Variants in TBC1D8 observed in about 807,000 individuals in gnomAD.
TBC1D8 encodes BUB2-like protein 1.
In TBC1D8, 65 loss-of-function variants were observed where a neutral mutation model predicts 118.8. That is an observed-to-expected ratio of 0.55 (90% CI 0.45 to 0.67). TBC1D8 has a LOEUF of 0.67. TBC1D8 is among the 30% of genes least tolerant of loss of function. The pLI is 0.00. For missense variants in TBC1D8, 1,376 were observed against 1,471.2 expected, an observed-to-expected ratio of 0.94 and a Z score of 1.06; for synonymous variants, 566 against 595.8, an observed-to-expected ratio of 0.95 and a Z score of 0.73.
At chr2:101,102,959 A>C (rs1676953768) in intron 1 of TBC1D8, among the ~76,000 whole-genome samples, 1 of 152,210 alleles carries the variant, frequency 6.6e-6, no homozygotes, top group African/African-American at 2.4e-5. Flanking sequence ...AAGTTTCCAC[A>C]ATCTATTCCA....
At chr2:101,021,948 G>A (rs1205009417) in intron 16 of TBC1D8, among the ~76,000 whole-genome samples, 1 of 152,166 alleles carries the variant, frequency 6.6e-6, no homozygotes, top group Non-Finnish European at 1.5e-5. Flanking sequence ...CTTTGTGAAT[G>A]TTGTCTGGCC....
At position 101,033,706 on chromosome 2, in the gene TBC1D8, C is replaced by T. The variant is rs1384955750; in HGVS notation, c.1656G>A (p.Glu552=). Reference sequence around the variant, plus strand: ...CCAGGCAGCATTTCCCCAGGGACTCCTCCACCAGATTCCCGTAGTAACCAG... The same window carrying T: ...CCAGGCAGCATTTCCCCAGGGACTCTTCCACCAGATTCCCGTAGTAACCAG... ...SHPGYYGNLV[E]ESLGKCCLVT... The change falls in exon 10 of 20, where the codon GAG becomes GAA. Residue 552 remains glutamate, a synonymous_variant. Coordinates refer to ENST00000409318, the MANE Select transcript of TBC1D8 (RefSeq NM_001330348.2). 1 of 1,613,940 alleles carries T rather than the reference C, an allele frequency of 6.2e-7. No homozygotes were observed. The highest frequency in any genetic ancestry group is 8.5e-7 in the Non-Finnish European group (1 of 1,179,880).
intron 2 of TBC1D8, among the ~76,000 whole-genome samples, chr2:101,071,293 C>T (rs1292979021): frequency 2.0e-5 from 3 of 151,976 alleles, no homozygotes; most frequent in African/African-American, 4.8e-5. Context: ...TGCAGTGAGC[C>T]GAGATCGCAC....
intron 1 of TBC1D8, among the ~76,000 whole-genome samples, chr2:101,103,117 A>G (rs954500476): frequency 6.6e-6 from 1 of 152,090 alleles, no homozygotes; most frequent in Non-Finnish European, 1.5e-5. Context: ...ACAAAATATG[A>G]GCAAATAGAA....
chr2:101,144,675 G>C (rs555482125), intron 1 of TBC1D8, among the ~76,000 whole-genome samples: 2 of 152,156 alleles, frequency 1.3e-5, no homozygotes, highest in Non-Finnish European at 2.9e-5. Context: ...GGTGGCTCAC[G>C]CCTGTAATCC....
rs558251882 is a variant in TBC1D8, at chr2:101,143,291, G to A, written c.127+7836C>T. 2.0e-4 allele frequency among the ~76,000 whole-genome samples: 31 copies of A among 152,130 alleles called. 1 individual carries two copies. Among genetic ancestry groups the A allele is most frequent in the Middle Eastern group, 3.4e-3 (1 of 294 alleles). The stretch of plus-strand genomic sequence containing the variant: ...ATGGCCAGGCTGGTCTCGAACTGCT[G>A]ACCTCGTGATCTGCCCACCTCGGCC... On this transcript the variant is annotated intron_variant, in intron 1 of 19. Transcript: ENST00000409318.
intron 1 of TBC1D8, among the ~76,000 whole-genome samples, chr2:101,138,324 C>T (rs981343879): frequency 4.6e-5 from 7 of 152,176 alleles, no homozygotes; most frequent in Admixed American, 1.3e-4. Flanking sequence ...TTATCCTTTA[C>T]TATTCACATT....
chr2:101,110,107 G>A, intron 1 of TBC1D8: 6 of 763,928 alleles, frequency 7.9e-6, no homozygotes, highest in Non-Finnish European at 8.0e-6. Flanking sequence ...TTTATAATTA[G>A]GGCCCAAATA....
intron 1 of TBC1D8, among the ~76,000 whole-genome samples, chr2:101,143,430 C>T (rs1679198137): frequency 6.6e-6 from 1 of 152,104 alleles, no homozygotes; most frequent in African/African-American, 2.4e-5. Context: ...ATGAAAGACT[C>T]ACCAAATGTT....
intron 4 of TBC1D8, 90 bp from the exon 5 acceptor site, chr2:101,050,731 T>G: frequency 7.3e-6 from 11 of 1,500,832 alleles, no homozygotes; most frequent in Non-Finnish European, 9.9e-6. Context: ...AAGCTCTCCT[T>G]AGGCCGATGT....
intron 1 of TBC1D8, chr2:101,109,810 T>C: frequency 1.0e-6 from 1 of 985,446 alleles, no homozygotes; most frequent in South Asian, 4.7e-5. Flanking sequence ...CACTTATTTT[T>C]AAAAATACTA....
chr2:101,092,884 A>G (rs930959033), intron 1 of TBC1D8, among the ~76,000 whole-genome samples: 1 of 152,092 alleles, frequency 6.6e-6, no homozygotes, highest in Non-Finnish European at 1.5e-5. Flanking sequence ...GCCAGGAAAT[A>G]TATGTCTGTA....
At position 101,029,673 on chromosome 2, in the gene TBC1D8, G is replaced by A; in HGVS notation, c.2040C>T (p.Leu680=). Residue 680 remains leucine (L), a synonymous_variant, in exon 12 of 20, where the codon CTC becomes CTT. Transcript: ENST00000409318. ...TGAGGAACAGGGTCAGGAACCACGA[G>A]AGAGAGACGGACGCCAGGGCTGAGA... ...NDLSALASVS[L]SWFLTLFLSI... 2 of 1,614,036 alleles carry A rather than the reference G, an allele frequency of 1.2e-6. No individual in the cohort carries two copies. The highest frequency in any genetic ancestry group is 1.7e-5 in the Admixed American group (1 of 60,020).
chr2:101,101,789 G>T (rs1281945145), intron 1 of TBC1D8, among the ~76,000 whole-genome samples: 2 of 152,078 alleles, frequency 1.3e-5, no homozygotes. Flanking sequence ...GCAAACTAAT[G>T]CAGGAACAGA....
intron 1 of TBC1D8, among the ~76,000 whole-genome samples, chr2:101,099,595 C>A (rs976245344): frequency 5.9e-5 from 9 of 152,086 alleles, no homozygotes. Context: ...TGATGAGCAT[C>A]GATGTAAAAA....
At chr2:101,066,353 G>A (rs1385554452) in intron 2 of TBC1D8, among the ~76,000 whole-genome samples, 1 of 151,854 alleles carries the variant, frequency 6.6e-6, no homozygotes, top group Non-Finnish European at 1.5e-5. Flanking sequence ...GAAGGTACAG[G>A]CCTGTTAAGA....
In TBC1D8 at chr2:101,054,204, A is replaced by T. The variant is rs1682242126; in HGVS notation, c.535T>A (p.Ser179Thr). ...ACCCTGCCCTTCCAACAGCAGCAGGAGTAGTAGGTGACCAGCTTCTCCGCC... is the reference window on the plus strand; with the variant it reads ...ACCCTGCCCTTCCAACAGCAGCAGGTGTAGTAGGTGACCAGCTTCTCCGCC... ...PEAEKLVTYYSCCCWKGRVPR... is the reference protein window; with the variant it reads ...PEAEKLVTYYTCCCWKGRVPR... The change falls in exon 4 of 20, where the codon TCC becomes ACC. Residue 179 changes from serine (S) to threonine (T), a missense_variant. Ser to Thr is a moderately conservative substitution (Grantham distance 58). Coordinates refer to ENST00000409318, the MANE Select transcript of TBC1D8 (RefSeq NM_001330348.2). The T allele has an allele frequency of 6.2e-7, 1 of 1,612,950 alleles. No individual in the cohort carries two copies. Among genetic ancestry groups the T allele is most frequent in the Non-Finnish European group, 8.5e-7 (1 of 1,179,540 alleles).
intron 1 of TBC1D8, among the ~76,000 whole-genome samples, chr2:101,138,681 A>T (rs769986272): frequency 6.6e-6 from 1 of 152,200 alleles, no homozygotes. Context: ...AGAGATACAC[A>T]GGGCGGGGTG....
chr2:101,081,423 C>T (rs1054069332), intron 2 of TBC1D8, among the ~76,000 whole-genome samples: 2 of 152,246 alleles, frequency 1.3e-5, no homozygotes, highest in African/African-American at 4.8e-5. Flanking sequence ...AAAAACCTTG[C>T]ACTTAAGCTA....
Sources: allele counts gnomAD v4.1 joint callset (sites outside exome capture counted in the v4.1 genomes callset), GRCh38; gene constraint gnomAD v4.1.1; transcripts MANE v1.5; gene names NCBI Gene and HGNC (gene_info 2026-07-23, HGNC 2026-07-21).